ATG7: variants seen among roughly 807,000 people sequenced by gnomAD.
ATG7 encodes the protein ubiquitin-like modifier-activating enzyme ATG7.
A neutral mutation model predicts 82.4 loss-of-function variants in ATG7; 70 were observed. The observed-to-expected ratio is 0.85, with a 90% CI of 0.70 to 1.04. The LOEUF is 1.04. ATG7 is among the 50% of genes least tolerant of loss of function. The pLI is 0.00. For missense variants in ATG7, 792 were observed against 864.3 expected (o/e 0.92, Z 1.05); for synonymous variants, 287 against 313.0 (o/e 0.92, Z 0.88).
At chr3:11,282,901 C>T (rs1347563836) in intron 3 of ATG7, among the ~76,000 whole-genome samples, 2 of 152,206 alleles carry the variant, frequency 1.3e-5, no homozygotes, top group African/African-American at 4.8e-5. Flanking sequence ...CAGCTAAGAA[C>T]ATATGCTGTT....
intron 20 of ATG7, among the ~76,000 whole-genome samples, chr3:11,468,314 CTA>C (rs1491082142): frequency 7.2e-4 from 3 of 4,178 alleles, no homozygotes; most frequent in African/African-American, 4.5e-3. Context: ...GTAAGTGGAG[CTA>C]GTGGGAGAGC....
Position 11,294,910 on chromosome 3 carries a change from C to T in ATG7, c.-10-3776C>T, listed in dbSNP as rs566985061. 5.9e-5 allele frequency among the ~76,000 whole-genome samples: 9 copies of T among 152,240 alleles called. No individual in the cohort carries two copies. The South Asian group carries it at 1.0e-3, about 18-fold the overall frequency. On this transcript the variant is annotated intron_variant, in intron 3 of 20. Transcript: ENST00000693202. ...TGGGCAGATCACATGGTCAGGAGTTCGAGACCAGCCTGGCCAACATAGTGA... is the reference window on the plus strand; with the variant it reads ...TGGGCAGATCACATGGTCAGGAGTTTGAGACCAGCCTGGCCAACATAGTGA...
At chr3:11,476,141 T>A (rs1481968388) in intron 20 of ATG7, among the ~76,000 whole-genome samples, 2 of 152,200 alleles carry the variant, frequency 1.3e-5, no homozygotes, top group East Asian at 3.8e-4. Flanking sequence ...CCCTAAGGTG[T>A]AGAGAAAGCT....
chr3:11,313,266 G>T, intron 7 of ATG7, 38 bp from the exon 8 acceptor site: 1 of 1,382,352 alleles, frequency 7.2e-7, no homozygotes, highest in Non-Finnish European at 1.0e-6. Context: ...TAAGTTAATG[G>T]TGCTATTCTA....
intron 16 of ATG7, among the ~76,000 whole-genome samples, chr3:11,361,354 G>A (rs1301082174): frequency 2.7e-5 from 4 of 149,972 alleles, no homozygotes; most frequent in Non-Finnish European, 4.4e-5. Context: ...GCACAATCTC[G>A]GCTCCCTGCA....
rs968962192 is a variant in ATG7 at position 11,298,825 on chromosome 3, C to T, written c.130C>T (p.Pro44Ser). The T allele has an allele frequency of 3.7e-6, 6 of 1,614,002 alleles. No individual in the cohort carries two copies. The African/African-American group carries it at 8.0e-5, about 22-fold the overall frequency. Residue 44 changes from proline to serine, a missense_variant, in exon 4 of 21, where the codon CCC becomes TCC. By Grantham distance (74) the Pro-to-Ser change is moderately conservative. Transcript: ENST00000693202. ...KLNEYRLDEAPKDIKGYYYNG... is the reference protein window; with the variant it reads ...KLNEYRLDEASKDIKGYYYNG... ...GAACGAGTATCGGCTGGATGAAGCTCCCAAGGACATTAAGGGTTATTACTA... is the reference window on the plus strand; with the variant it reads ...GAACGAGTATCGGCTGGATGAAGCTTCCAAGGACATTAAGGGTTATTACTA...
At chr3:11,393,931 T>C (rs1027970857) in intron 19 of ATG7, among the ~76,000 whole-genome samples, 1 of 152,170 alleles carries the variant, frequency 6.6e-6, no homozygotes, top group Non-Finnish European at 1.5e-5. Context: ...TCCTCCTCCC[T>C]TGGCCTCCCA....
At chr3:11,307,766 G>A (rs576017423) in intron 6 of ATG7, among the ~76,000 whole-genome samples, 2 of 152,318 alleles carry the variant, frequency 1.3e-5, no homozygotes, top group South Asian at 2.1e-4. Context: ...CTGTCTAACC[G>A]CTGTAATCAA....
At chr3:11,416,198 T>C (rs75048647) in intron 19 of ATG7, among the ~76,000 whole-genome samples, 9,594 of 152,290 alleles carry the variant, frequency 0.063, 323 homozygotes, top group African/African-American at 0.082. Context: ...GGCTTTGGTA[T>C]TAGGGTGATG....
chr3:11,565,045 G>A, the ATG7 span: 1,475 of 1,466,684 alleles, frequency 1.0e-3, 2 homozygotes, highest in Non-Finnish European at 1.1e-3. This position sits in a 1 kb window ranked among gnomAD's most constrained non-coding sequence, Gnocchi z 4.1. Flanking sequence ...GGGCATTCAG[G>A]GGGCGTTTTC....
chr3:11,407,283 G>C (rs1471814874), intron 19 of ATG7, among the ~76,000 whole-genome samples: 2 of 152,222 alleles, frequency 1.3e-5, no homozygotes, highest in African/African-American at 4.8e-5. Context: ...TCCAGGTCAT[G>C]CTGATGCAAG....
intron 7 of ATG7, among the ~76,000 whole-genome samples, chr3:11,311,928 ATCTAGTATGATTTC>A (rs1948736382): frequency 6.6e-6 from 1 of 150,926 alleles, no homozygotes; most frequent in African/African-American, 2.4e-5. Flanking sequence ...TTTAAAACTC[ATCTAGTATGATTTC>A]ATTTATATGA....
chr3:11,295,562 AT>A (rs1014561711), intron 3 of ATG7, among the ~76,000 whole-genome samples: 5 of 152,136 alleles, frequency 3.3e-5, no homozygotes, highest in African/African-American at 1.2e-4. Context: ...GCAATCTACA[AT>A]GAAATTGCAT....
intron 20 of ATG7, among the ~76,000 whole-genome samples, chr3:11,428,913 A>G (rs905774937): frequency 1.3e-5 from 2 of 152,194 alleles, no homozygotes; most frequent in Non-Finnish European, 1.5e-5. Flanking sequence ...CTTACATTTT[A>G]GTTGGTCAAA....
At chr3:11,319,111 AAG>A (rs1452177263) in intron 9 of ATG7, among the ~76,000 whole-genome samples, 5 of 152,222 alleles carry the variant, frequency 3.3e-5, no homozygotes, top group African/African-American at 7.2e-5. Context: ...GCTGAGAGGA[AAG>A]AGAGAGAATT....
chr3:11,562,834 T>A, the ATG7 span, among the ~76,000 whole-genome samples: 2 of 152,254 alleles, frequency 1.3e-5, no homozygotes, highest in African/African-American at 4.8e-5. Context: ...CCTGGCTTTG[T>A]CCTCAGTCCA....
chr3:11,381,308 T>TG (rs2077881502), intron 19 of ATG7, among the ~76,000 whole-genome samples: 1 of 152,154 alleles, frequency 6.6e-6, no homozygotes, highest in East Asian at 1.9e-4. Flanking sequence ...AGATTTTTTT[T>TG]TTCTTTGAAT....
intron 20 of ATG7, among the ~76,000 whole-genome samples, chr3:11,506,396 T>C (rs2091710836): frequency 6.6e-6 from 1 of 152,050 alleles, no homozygotes. Context: ...TAGAGGTTAC[T>C]GTATTGGACA....
chr3:11,383,899 A>G (rs986043419), intron 19 of ATG7, among the ~76,000 whole-genome samples: 2 of 152,212 alleles, frequency 1.3e-5, no homozygotes, highest in African/African-American at 4.8e-5. Flanking sequence ...AAATTTATAT[A>G]TGGTGAAATG....
Sources: allele counts gnomAD v4.1 joint callset (sites outside exome capture counted in the v4.1 genomes callset), GRCh38; gene constraint gnomAD v4.1.1; non-coding constraint Gnocchi (gnomAD v3.1); transcripts MANE v1.5; gene names NCBI Gene and HGNC (gene_info 2026-07-23, HGNC 2026-07-21).